The following LRP12 variants were observed in gnomAD, a reference collection of about 807,000 sequenced individuals.
LRP12 encodes LDL receptor related protein 12, also known as low-density lipoprotein receptor-related protein 12.
In LRP12, 14 loss-of-function variants were observed where a neutral mutation model predicts 66.0. The observed-to-expected ratio is 0.21, with a 90% CI of 0.14 to 0.33. LRP12 has a LOEUF of 0.33. LRP12 is among the 10% of genes least tolerant of loss of function. The pLI, the probability that LRP12 is intolerant of heterozygous loss-of-function variation, is 1.00. For synonymous variants in LRP12, 357 were observed against 359.1 expected (o/e 0.99, Z 0.07); for missense variants, 889 against 1,053.4 (o/e 0.84, Z 2.16).
At chr8:104,528,957 T>A (rs1811286776) in intron 2 of LRP12, among the ~76,000 whole-genome samples, 1 of 152,192 alleles carries the variant, frequency 6.6e-6, no homozygotes, top group Non-Finnish European at 1.5e-5. Context: ...TGAATAAGGT[T>A]TTACTCACTT....
At chr8:104,588,787 G>A (rs1446313006) in intron 1 of LRP12, 32 bp downstream of exon 1, 2 of 1,604,912 alleles carry the variant, frequency 1.2e-6, no homozygotes, top group East Asian at 2.3e-5. Context: ...AGCTTTGTTC[G>A]GTCAGCGGGG....
chr8:104,514,713 CAAAA>C (rs1199382082), intron 2 of LRP12, among the ~76,000 whole-genome samples: 2 of 151,792 alleles, frequency 1.3e-5, no homozygotes, highest in Non-Finnish European at 2.9e-5. Context: ...AAAAGAAAAA[CAAAA>C]AAACCAAGTC....
intron 3 of LRP12, among the ~76,000 whole-genome samples, chr8:104,502,635 T>C (rs527466734): frequency 3.9e-5 from 6 of 152,270 alleles, no homozygotes; most frequent in Non-Finnish European, 8.8e-5. Flanking sequence ...TCTCACGAAG[T>C]GTGGTTCCTT....
Position 104,489,561 on chromosome 8 carries a change from G to C in LRP12, c.*1112C>G, listed in dbSNP as rs1374193209. ...CTGAATGATTTCTTAATTTTCTTTT[G>C]AGAGTGTAGCATGATCCCCCCCAGG... On this transcript the variant is annotated 3_prime_UTR_variant, in exon 7 of 7. Coordinates refer to ENST00000276654, the MANE Select transcript of LRP12 (RefSeq NM_013437.5). The C allele has an allele frequency of 1.3e-5, 2 of 152,140 alleles. No individual in the cohort carries two copies. Among genetic ancestry groups the C allele is most frequent in the Non-Finnish European group, 2.9e-5 (2 of 67,980 alleles). The allele number at this position is 152,140 out of a possible 1,614,324, so 9.4% of individuals were successfully genotyped here. A position where few individuals can be genotyped will look rare whatever the true frequency, so the allele number is the denominator to read the frequency against.
At chr8:104,548,309 T>TCG (rs1564142108) in intron 1 of LRP12, among the ~76,000 whole-genome samples, 2 of 41,908 alleles carry the variant, frequency 4.8e-5, no homozygotes, top group South Asian at 1.3e-3. Flanking sequence ...ATAATATATA[T>TCG]TATATAAATA....
At chr8:104,548,030 T>C (rs1379887401) in intron 1 of LRP12, among the ~76,000 whole-genome samples, 5 of 115,290 alleles carry the variant, frequency 4.3e-5, no homozygotes, top group African/African-American at 6.3e-5. Flanking sequence ...ATTTTGTATA[T>C]AATATATAAT....
chr8:104,519,163 T>C (rs142554256), intron 2 of LRP12, among the ~76,000 whole-genome samples: 68 of 152,142 alleles, frequency 4.5e-4, no homozygotes, highest in Non-Finnish European at 7.4e-5. Flanking sequence ...CTAAATAGTG[T>C]CCTGATTTCT....
intron 1 of LRP12, among the ~76,000 whole-genome samples, chr8:104,548,292 T>C (rs1178941755): frequency 1.4e-5 from 1 of 69,698 alleles, no homozygotes; most frequent in African/African-American, 8.3e-5. Context: ...ATATATCATA[T>C]ATTTATATAA....
intron 2 of LRP12, among the ~76,000 whole-genome samples, chr8:104,518,178 A>G (rs895377069): frequency 6.6e-6 from 1 of 152,158 alleles, no homozygotes; most frequent in Non-Finnish European, 1.5e-5. Flanking sequence ...AAGTATCATT[A>G]AAGTGAAGCA....
rs1355635417 is a variant in LRP12 at position 104,588,982 on chromosome 8, C to A, written c.-85G>T. On this transcript the variant is annotated 5_prime_UTR_variant, in exon 1 of 7. Transcript: ENST00000276654. ...GTAGACGACGCCGACGCCGCCGCCG[C>A]CGCCGCCGCCGCCGCCGAGCCACCG... The A allele has an allele frequency of 2.0e-4, 150 of 765,598 alleles. 4 individuals are homozygous for A. The highest frequency in any genetic ancestry group is 7.5e-4 in the South Asian group (36 of 47,974). 47.4% of individuals were successfully genotyped at this position (765,598 alleles called of 1,614,324 possible).
intron 2 of LRP12, among the ~76,000 whole-genome samples, chr8:104,526,908 G>C (rs1408221699): frequency 6.9e-6 from 1 of 144,528 alleles, no homozygotes; most frequent in Non-Finnish European, 1.5e-5. Flanking sequence ...CTACAAAATG[G>C]GAGAAAATTT....
chr8:104,530,221 T>C (rs1811304903), intron 2 of LRP12, among the ~76,000 whole-genome samples: 1 of 152,130 alleles, frequency 6.6e-6, no homozygotes, highest in Non-Finnish European at 1.5e-5. Flanking sequence ...CTGTAGCCCA[T>C]ATAAACAAAA....
chr8:104,577,792 C>T (rs1326174938), intron 1 of LRP12, among the ~76,000 whole-genome samples: 1 of 114,884 alleles, frequency 8.7e-6, no homozygotes, highest in Non-Finnish European at 1.7e-5. Flanking sequence ...GCCTGGGTAA[C>T]AGAACGAGAC....
intron 1 of LRP12, among the ~76,000 whole-genome samples, chr8:104,548,231 T>C (rs1331964352): frequency 5.9e-5 from 6 of 101,418 alleles, no homozygotes; most frequent in African/African-American, 2.8e-4. Context: ...ATGATATATT[T>C]ATATTAATAT....
At chr8:104,580,423 G>A (rs1166464839) in intron 1 of LRP12, among the ~76,000 whole-genome samples, 10 of 150,978 alleles carry the variant, frequency 6.6e-5, no homozygotes, top group East Asian at 1.9e-4. Flanking sequence ...CCAGCTACTC[G>A]GGAGGCTGAG....
Position 104,579,611 on chromosome 8 carries a change from C to T in LRP12, c.79+9208G>A, listed in dbSNP as rs556293433. ...ATTCATATAGAACCAAAAAAGAGCC[C>T]AAATAGCAGAGGTAATCCTAAGCAA... On this transcript the variant is annotated intron_variant, in intron 1 of 6. Transcript: ENST00000276654. 1.3e-4 allele frequency among the ~76,000 whole-genome samples: 20 copies of T among 152,162 alleles called. No individual in the cohort carries two copies. The South Asian group carries it at 1.7e-3, about 13-fold the overall frequency.
Position 104,513,716 on chromosome 8 carries a change from T to G in LRP12, c.137-4642A>C, listed in dbSNP as rs76683286. On this transcript the variant is annotated intron_variant, in intron 2 of 6. Transcript: ENST00000276654. Reference sequence around the variant, plus strand: ...TTCTAACTCTATTCTGTGTTAATTTTCTAGCACTAGATCCTCTGTCCTTGG... The same window carrying G: ...TTCTAACTCTATTCTGTGTTAATTTGCTAGCACTAGATCCTCTGTCCTTGG... Among the ~76,000 whole-genome samples, 742 of 152,296 alleles carry G rather than the reference T, an allele frequency of 4.9e-3. 7 individuals carry two copies. Among genetic ancestry groups the G allele is most frequent in the African/African-American group, 0.017 (702 of 41,544 alleles).
chr8:104,535,752 C>A (rs936216405), intron 1 of LRP12, among the ~76,000 whole-genome samples: 5 of 151,956 alleles, frequency 3.3e-5, no homozygotes, highest in Non-Finnish European at 7.4e-5. Context: ...ATTAAAAAGT[C>A]TGTATTCCTC....
In LRP12 at chr8:104,497,703, G is replaced by A; in HGVS notation, c.849C>T (p.Ser283=). The change falls in exon 5 of 7, where the codon AGC becomes AGT. Residue 283 remains serine (S), a synonymous_variant. Coordinates refer to ENST00000276654, the MANE Select transcript of LRP12 (RefSeq NM_013437.5). This position sits in a 1 kb window ranked among gnomAD's most constrained non-coding sequence, Gnocchi z 4.3. Reference sequence around the variant, plus strand: ...CAGTGTCTATTAACCAGGTGCAATTGCTTCCAGGAGGATAAAAGTCTGGAT... The same window carrying A: ...CAGTGTCTATTAACCAGGTGCAATTACTTCCAGGAGGATAAAAGTCTGGAT... ...PNYPDFYPPG[S]NCTWLIDTGD... is the part of the protein sequence containing the mutation. The A allele has an allele frequency of 6.2e-7, 1 of 1,613,888 alleles. No homozygotes were observed. Among genetic ancestry groups the A allele is most frequent in the Middle Eastern group, 1.7e-4 (1 of 6,060 alleles).
Sources: gnomAD v4.1 joint callset for allele counts (sites outside exome capture counted in the v4.1 genomes callset) on GRCh38, gnomAD v4.1.1 for gene constraint, Gnocchi (gnomAD v3.1) non-coding constraint, MANE v1.5 for transcripts, NCBI Gene and HGNC (gene_info 2026-07-23, HGNC 2026-07-21) for gene names.